Variants in PAG1 observed in about 807,000 individuals in gnomAD.
PAG1 encodes the protein phosphoprotein membrane anchor with glycosphingolipid microdomains 1.
A neutral mutation model predicts 31.7 loss-of-function variants in PAG1; 23 were observed. The observed-to-expected ratio is 0.73, with a 90% CI of 0.52 to 1.03. The LOEUF is 1.03. Ranked by LOEUF, PAG1 falls within the 50% of genes least tolerant of loss-of-function variation. The pLI, the probability that PAG1 is intolerant of heterozygous loss-of-function variation, is 0.00. For missense variants in PAG1, 473 were observed against 540.7 expected (o/e 0.87, Z 1.24); for synonymous variants, 214 against 210.3 (o/e 1.02, Z -0.15).
At chr8:81,092,307 G>A (rs760380308) in intron 1 of PAG1, among the ~76,000 whole-genome samples, 8 of 152,134 alleles carry the variant, frequency 5.3e-5, no homozygotes, top group Admixed American at 2.0e-4. Flanking sequence ...TTGCTTGAGC[G>A]TGGGAGGTCA....
At position 80,993,136 on chromosome 8, in the gene PAG1, GTGA is replaced by G. The variant is rs1356031539; in HGVS notation, c.89_91del (p.Ile30del). On this transcript the variant is annotated inframe_deletion, in exon 4 of 9. Transcript: ENST00000220597. ...ACTAGAGCACAGGAAGATGAGGAAG[GTGA>G]TGACGAAGAAAATGGCGACAGCAGC... is the stretch of plus-strand genomic sequence containing the variant. 1.2e-6 allele frequency: 2 copies of G among 1,613,886 alleles called. No individual in the cohort carries two copies. The highest frequency in any genetic ancestry group is 1.7e-6 in the Non-Finnish European group (2 of 1,179,894).
intron 2 of PAG1, among the ~76,000 whole-genome samples, chr8:81,036,385 G>A (rs1267659123): frequency 6.6e-6 from 1 of 151,330 alleles, no homozygotes; most frequent in African/African-American, 2.4e-5. Context: ...TATACTTTTG[G>A]TAGAAAAAAA....
At chr8:81,074,801 TA>T (rs1158244399) in intron 1 of PAG1, among the ~76,000 whole-genome samples, 2 of 152,022 alleles carry the variant, frequency 1.3e-5, no homozygotes, top group Non-Finnish European at 2.9e-5. Context: ...AGACACCCTA[TA>T]AAAAAGGGTG....
intron 1 of PAG1, among the ~76,000 whole-genome samples, chr8:81,071,848 GCTTGTTCTCCACAGCC>G (rs1361667729): frequency 1.3e-5 from 2 of 152,210 alleles, no homozygotes; most frequent in East Asian, 3.8e-4. Flanking sequence ...CCCCATCCGT[GCTTGTTCTCCACAGCC>G]CTTGTGACAA....
chr8:80,979,765 A>G (rs528688362), intron 8 of PAG1, among the ~76,000 whole-genome samples: 1 of 152,330 alleles, frequency 6.6e-6, no homozygotes, highest in Admixed American at 6.5e-5. Flanking sequence ...TAGCTCTCTG[A>G]GCATAGCTCA....
chr8:81,074,213 G>C (rs879319504), intron 1 of PAG1, among the ~76,000 whole-genome samples: 1 of 152,230 alleles, frequency 6.6e-6, no homozygotes, highest in African/African-American at 2.4e-5. Context: ...AGTGGGACCT[G>C]TGAGCACAGT....
chr8:80,982,724 C>A (rs924338567), intron 7 of PAG1, among the ~76,000 whole-genome samples: 3 of 152,172 alleles, frequency 2.0e-5, no homozygotes, highest in African/African-American at 4.8e-5. Flanking sequence ...CTGCCTGTAT[C>A]CTCTTCATTT....
intron 2 of PAG1, among the ~76,000 whole-genome samples, chr8:81,051,690 T>C (rs760480276): frequency 2.0e-5 from 3 of 152,194 alleles, no homozygotes; most frequent in African/African-American, 4.8e-5. Context: ...TTAAACTCTA[T>C]TGTACTCTGA....
chr8:80,997,828 T>C (rs1275076777), intron 3 of PAG1, among the ~76,000 whole-genome samples: 1 of 152,206 alleles, frequency 6.6e-6, no homozygotes, highest in Non-Finnish European at 1.5e-5. Context: ...GGCTGGAGAC[T>C]GTAATATAAT....
chr8:81,083,399 C>T (rs912108647), intron 1 of PAG1, among the ~76,000 whole-genome samples: 1 of 152,212 alleles, frequency 6.6e-6, no homozygotes, highest in Admixed American at 6.5e-5. Flanking sequence ...GCTCTTGTTA[C>T]TACGCAGCAG....
intron 2 of PAG1, among the ~76,000 whole-genome samples, chr8:81,056,704 G>A (rs1808828514): frequency 6.6e-6 from 1 of 152,164 alleles, no homozygotes; most frequent in Non-Finnish European, 1.5e-5. Context: ...GGCAACAAAA[G>A]CCAAAATTGA....
chr8:81,061,109 A>G (rs530162183), intron 2 of PAG1, among the ~76,000 whole-genome samples: 2 of 152,254 alleles, frequency 1.3e-5, no homozygotes, highest in African/African-American at 2.4e-5. Context: ...ATTCCCAGAC[A>G]TAACAAGATT....
intron 3 of PAG1, among the ~76,000 whole-genome samples, chr8:81,001,319 G>A (rs1807781086): frequency 6.6e-6 from 1 of 152,224 alleles, no homozygotes. Context: ...ATATTTATTG[G>A]ATGAATTAAT....
At position 81,078,104 on chromosome 8, in the gene PAG1, T is replaced by C. The variant is rs145154030; in HGVS notation, c.-233-7934A>G. On this transcript the variant is annotated intron_variant, in intron 1 of 8. Transcript: ENST00000220597. ...AGGAAAATACACAGAAGGTGTCTGCTACTTTATCTCCTTCAGTGCCAGAGT... is the reference window on the plus strand; with the variant it reads ...AGGAAAATACACAGAAGGTGTCTGCCACTTTATCTCCTTCAGTGCCAGAGT... Among the ~76,000 whole-genome samples the C allele has an allele frequency of 7.6e-3, 1,151 of 152,362 alleles. 17 individuals carry two copies. Among genetic ancestry groups the C allele is most frequent in the African/African-American group, 0.026 (1,084 of 41,578 alleles).
intron 2 of PAG1, among the ~76,000 whole-genome samples, chr8:81,051,956 C>T (rs1410730895): frequency 6.6e-6 from 1 of 151,596 alleles, no homozygotes; most frequent in African/African-American, 2.4e-5. Flanking sequence ...CGGTGAAACC[C>T]CGTCTCTACT....
intron 1 of PAG1, among the ~76,000 whole-genome samples, chr8:81,088,409 CATG>C (rs1223200832): frequency 6.6e-6 from 1 of 152,112 alleles, no homozygotes; most frequent in Non-Finnish European, 1.5e-5. Flanking sequence ...CATTTAACAC[CATG>C]ATGTGTTTAT....
chr8:81,022,561 G>T (rs1447595732), intron 3 of PAG1, among the ~76,000 whole-genome samples: 1 of 152,056 alleles, frequency 6.6e-6, no homozygotes, highest in Non-Finnish European at 1.5e-5. Flanking sequence ...GCACAATAGT[G>T]TCCATAAATC....
chr8:81,031,513 A>G (rs1474665743), intron 2 of PAG1, among the ~76,000 whole-genome samples: 2 of 152,246 alleles, frequency 1.3e-5, no homozygotes, highest in African/African-American at 4.8e-5. Context: ...TCTTGTCATC[A>G]TGGTCAATCC....
intron 3 of PAG1, among the ~76,000 whole-genome samples, chr8:80,999,515 C>G (rs1807746523): frequency 6.6e-6 from 1 of 152,202 alleles, no homozygotes; most frequent in South Asian, 2.1e-4. Context: ...CATCACCAGA[C>G]CACAGTGACC....
Sources: gnomAD v4.1 joint callset for allele counts (sites outside exome capture counted in the v4.1 genomes callset) on GRCh38, gnomAD v4.1.1 for gene constraint, MANE v1.5 for transcripts, NCBI Gene and HGNC (gene_info 2026-07-23, HGNC 2026-07-21) for gene names.